Variants in MGAT5 observed in about 807,000 individuals in gnomAD.
MGAT5 encodes alpha-1,6-mannosylglycoprotein 6-beta-N-acetylglucosaminyltransferase, also known as alpha-1,6-mannosylglycoprotein 6-beta-N-acetylglucosaminyltransferase A.
A neutral mutation model predicts 94.3 loss-of-function variants in MGAT5; 30 were observed. The observed-to-expected ratio is 0.32, with a 90% CI of 0.24 to 0.43. MGAT5 has a LOEUF of 0.43. Ranked by LOEUF, MGAT5 falls within the 20% of genes least tolerant of loss-of-function variation. MGAT5 has a pLI of 1.00. For missense variants in MGAT5, 691 were observed against 905.5 expected, an observed-to-expected ratio of 0.76 and a Z score of 3.04; for synonymous variants, 310 against 322.9, an observed-to-expected ratio of 0.96 and a Z score of 0.43.
In MGAT5 at chr2:134,403,080, G is replaced by C. The variant is rs139580353; in HGVS notation, c.1473G>C (p.Val491=). Residue 491 remains valine, a synonymous_variant, in exon 11 of 16, where the codon GTG becomes GTC. Coordinates refer to ENST00000281923, the MANE Select transcript of MGAT5 (RefSeq NM_002410.5). ...GSSTKNIPSY[V]KNHGILSGRD... ...GCACAAAGAATATTCCCAGTTACGT[G>C]AAAAACCATGGTATCCTCAGTGGAC... 7.4e-6 allele frequency: 12 copies of C among 1,611,514 alleles called. No individual in the cohort carries two copies. In the African/African-American group the frequency reaches 1.3e-4, roughly 18 times the overall value.
intron 1 of MGAT5, among the ~76,000 whole-genome samples, chr2:134,255,350 A>G (rs1682872213): frequency 6.6e-6 from 1 of 151,976 alleles, no homozygotes; most frequent in South Asian, 2.1e-4. Flanking sequence ...TGGAAGCTGT[A>G]GACAAGCAAA....
chr2:134,321,618 G>A (rs1162160088), intron 4 of MGAT5, among the ~76,000 whole-genome samples: 2 of 152,148 alleles, frequency 1.3e-5, no homozygotes, highest in Non-Finnish European at 2.9e-5. Flanking sequence ...TTTCATTTTG[G>A]AACGAGCAAC....
At chr2:134,282,660 G>A (rs1684762514) in intron 2 of MGAT5, among the ~76,000 whole-genome samples, 1 of 152,174 alleles carries the variant, frequency 6.6e-6, no homozygotes. Flanking sequence ...TCTTTCTGGA[G>A]ATGACACTCC....
intron 1 of MGAT5, among the ~76,000 whole-genome samples, chr2:134,214,519 C>A (rs1197249184): frequency 1.3e-5 from 2 of 151,906 alleles, no homozygotes; most frequent in African/African-American, 4.8e-5. Context: ...GGGCCGCATT[C>A]AAAGCTGTCC....
chr2:134,379,158 C>G (rs1431998466), intron 10 of MGAT5, among the ~76,000 whole-genome samples: 1 of 152,176 alleles, frequency 6.6e-6, no homozygotes, highest in Non-Finnish European at 1.5e-5. Flanking sequence ...TTCTTTCTCC[C>G]TATGTCTACA....
intron 1 of MGAT5, among the ~76,000 whole-genome samples, chr2:134,255,500 T>C (rs953906429): frequency 6.8e-6 from 1 of 147,812 alleles, no homozygotes; most frequent in Non-Finnish European, 1.5e-5. Flanking sequence ...TATATACACA[T>C]ATATACACAT....
chr2:134,345,228 A>G lies in MGAT5; in HGVS notation c.1112+164A>G, dbSNP rs1688851205. 1.3e-5 allele frequency among the ~76,000 whole-genome samples: 2 copies of G among 152,120 alleles called. 1 individual carries two copies. Among genetic ancestry groups the G allele is most frequent in the South Asian group, 4.1e-4 (2 of 4,830 alleles). On this transcript the variant is annotated intron_variant, in intron 8 of 15. Transcript: ENST00000281923. The stretch of plus-strand genomic sequence containing the variant: ...GATTCTCAGTGACTTTGTACTTTCT[A>G]TGGCTATTCGTTATTTTCATTGGTT...
intron 14 of MGAT5, among the ~76,000 whole-genome samples, chr2:134,439,163 G>A (rs879112903): frequency 6.6e-6 from 1 of 152,152 alleles, no homozygotes; most frequent in Non-Finnish European, 1.5e-5. Context: ...AGCAGGCAAT[G>A]CCTTTCTCAG....
At chr2:134,356,419 G>A (rs1041239210) in intron 9 of MGAT5, among the ~76,000 whole-genome samples, 10 of 152,138 alleles carry the variant, frequency 6.6e-5, no homozygotes, top group East Asian at 5.8e-4. Flanking sequence ...CCTTATGAGC[G>A]TCAGTTTAGG....
At chr2:134,422,401 T>C (rs1411306012) in intron 12 of MGAT5, among the ~76,000 whole-genome samples, 4 of 152,216 alleles carry the variant, frequency 2.6e-5, no homozygotes, top group Non-Finnish European at 5.9e-5. Context: ...CCTGGGACTT[T>C]AAAAGCCTTG....
chr2:134,156,881 T>G (rs115352368), intron 1 of MGAT5, among the ~76,000 whole-genome samples: 1,997 of 152,278 alleles, frequency 0.013, 42 homozygotes, highest in African/African-American at 0.046. Context: ...GACGTTGGAC[T>G]CGGACACATC....
chr2:134,429,985 C>G (rs1017035661), intron 14 of MGAT5, among the ~76,000 whole-genome samples: 1 of 152,224 alleles, frequency 6.6e-6, no homozygotes, highest in Admixed American at 6.5e-5. Flanking sequence ...GAGGCCAAGT[C>G]TACACCAACC....
chr2:134,356,290 C>T (rs73958386), intron 9 of MGAT5, among the ~76,000 whole-genome samples: 1 of 152,236 alleles, frequency 6.6e-6, no homozygotes, highest in African/African-American at 2.4e-5. Flanking sequence ...TTTCCCATTT[C>T]ACCTTCCACT....
At chr2:134,364,120 A>G (rs1680269385) in intron 10 of MGAT5, among the ~76,000 whole-genome samples, 1 of 152,210 alleles carries the variant, frequency 6.6e-6, no homozygotes. Flanking sequence ...TAGAAAAACA[A>G]AACAATAAAT....
At chr2:134,205,327 G>A (rs1679976164) in intron 1 of MGAT5, among the ~76,000 whole-genome samples, 1 of 152,158 alleles carries the variant, frequency 6.6e-6, no homozygotes, top group South Asian at 2.1e-4. Flanking sequence ...GGAGCCTATT[G>A]CTATAATGTG....
At chr2:134,289,090 C>T (rs1237770412) in intron 2 of MGAT5, among the ~76,000 whole-genome samples, 2 of 152,128 alleles carry the variant, frequency 1.3e-5, no homozygotes, top group African/African-American at 2.4e-5. Flanking sequence ...GGCTTCTCTA[C>T]GTCCCCCTGT....
chr2:134,396,491 G>A (rs547574629), intron 10 of MGAT5, among the ~76,000 whole-genome samples: 7 of 152,282 alleles, frequency 4.6e-5, no homozygotes, highest in African/African-American at 1.7e-4. Context: ...GTACTTAGGA[G>A]CAATATAAAA....
intron 1 of MGAT5, among the ~76,000 whole-genome samples, chr2:134,135,824 C>T (rs745679397): frequency 6.6e-5 from 10 of 152,098 alleles, no homozygotes; most frequent in Admixed American, 1.3e-4. Flanking sequence ...GTACAACCTC[C>T]ACCCTCCCAT....
chr2:134,361,283 C>G (rs921467788), intron 9 of MGAT5, among the ~76,000 whole-genome samples: 1 of 152,154 alleles, frequency 6.6e-6, no homozygotes, highest in African/African-American at 2.4e-5. Flanking sequence ...AATTTGGTTT[C>G]ATGTTATTTA....
Sources: allele counts gnomAD v4.1 joint callset (sites outside exome capture counted in the v4.1 genomes callset), GRCh38; gene constraint gnomAD v4.1.1; transcripts MANE v1.5; gene names NCBI Gene and HGNC (gene_info 2026-07-23, HGNC 2026-07-21).